Variants in MASP2 observed in about 807,000 individuals in gnomAD.
MASP2 encodes MBL associated serine protease 2.
MASP2 carries 49 observed loss-of-function variants against 57.1 expected under a neutral mutation model. The observed-to-expected ratio is 0.86, with a 90% CI of 0.68 to 1.09. The LOEUF (loss-of-function observed/expected upper bound fraction) is 1.09, where lower values mean the gene tolerates loss of function less well. MASP2 is among the 50% of genes least tolerant of loss of function. The pLI is 0.00. For synonymous variants in MASP2, 379 were observed against 340.8 expected (o/e 1.11, Z -1.24); for missense variants, 900 against 874.8 (o/e 1.03, Z -0.36).
At chr1:11,038,478 A>G (rs1358948628) in intron 6 of MASP2, among the ~76,000 whole-genome samples, 1 of 152,126 alleles carries the variant, frequency 6.6e-6, no homozygotes, top group African/African-American at 2.4e-5. Context: ...CATGAGCTGC[A>G]TTCCACTCTG....
Position 11,027,130 on chromosome 1 carries a change from G to T in MASP2, c.1816C>A (p.Pro606Thr), listed in dbSNP as rs1643749049. ...GCAGTTACACTTCCCCTTGGATAGG[G>T]TGGCTTTTCATATGCAGCAGTACAT... is the stretch of plus-strand genomic sequence containing the variant. Reference protein sequence around the residue: ...QKCTAAYEKPPYPRGSVTANM... With the variant: ...QKCTAAYEKPTYPRGSVTANM... The change falls in exon 11 of 11, where the codon CCC becomes ACC. Residue 606 changes from proline (P) to threonine (T), a missense_variant. Physicochemically the swap from Pro to Thr is conservative, Grantham distance 38. Transcript: ENST00000400897. 3.1e-6 allele frequency: 5 copies of T among 1,612,864 alleles called. No homozygotes were observed. The highest frequency in any genetic ancestry group is 3.4e-6 in the Non-Finnish European group (4 of 1,179,404).
rs907266658 is a variant in MASP2 at position 11,026,761 on chromosome 1, T to G, written c.*124A>C. On this transcript the variant is annotated 3_prime_UTR_variant, in exon 11 of 11. Coordinates refer to ENST00000400897, the MANE Select transcript of MASP2 (RefSeq NM_006610.4). ...GACAGCAGCCTCACCTGGAGTCTGT[T>G]TTTTTGGGTGGAGCAACAACTGCCA... is the stretch of plus-strand genomic sequence containing the variant. The G allele has an allele frequency of 2.3e-5, 18 of 777,312 alleles. No individual in the cohort carries two copies. The highest frequency in any genetic ancestry group is 3.2e-5 in the Non-Finnish European group (17 of 529,698). 48.2% of individuals were successfully genotyped at this position (777,312 alleles called of 1,614,324 possible).
intron 7 of MASP2, among the ~76,000 whole-genome samples, chr1:11,036,532 AAAAAAC>A (rs1638242542): frequency 6.3e-5 from 9 of 141,772 alleles, no homozygotes; most frequent in African/African-American, 2.6e-4. Flanking sequence ...AAAAAAAAAA[AAAAAAC>A]AAAAAAAAAA....
intron 8 of MASP2, among the ~76,000 whole-genome samples, chr1:11,034,486 T>C (rs1383927276): frequency 6.7e-6 from 1 of 149,428 alleles, no homozygotes; most frequent in Non-Finnish European, 1.5e-5. Flanking sequence ...TCACTTGAGG[T>C]CAGGAGTTCG....
chr1:11,041,510 G>A (rs951088760), intron 6 of MASP2, among the ~76,000 whole-genome samples: 1 of 146,560 alleles, frequency 6.8e-6, no homozygotes, highest in African/African-American at 2.5e-5. Context: ...ATAGATAGAA[G>A]GATGTGTAGA....
chr1:11,043,503 A>C lies in MASP2; in HGVS notation c.577T>G (p.Ser193Ala), dbSNP rs200464626. Residue 193 changes from serine to alanine, a missense_variant, in exon 5 of 11, where the codon TCT becomes GCT. Coordinates refer to ENST00000400897, the MANE Select transcript of MASP2 (RefSeq NM_006610.4). The part of the protein sequence containing the change: ...LCSGQVFTQR[S>A]GELSSPEYPR... ...TATTCAGGGCTGCTGAGCTCCCCAG[A>C]CCTCTGGGTGAAGACCTGGCCGGAG... 1 of 1,606,222 alleles carries C rather than the reference A, an allele frequency of 6.2e-7. No individual in the cohort carries two copies. Among genetic ancestry groups the C allele is most frequent in the Non-Finnish European group, 8.5e-7 (1 of 1,177,288 alleles).
At chr1:11,038,407 A>C (rs1415204883) in intron 6 of MASP2, among the ~76,000 whole-genome samples, 1 of 152,070 alleles carries the variant, frequency 6.6e-6, no homozygotes, top group Non-Finnish European at 1.5e-5. Flanking sequence ...GGGGAGAAAA[A>C]CCGGCTGACA....
At chr1:11,034,409 A>C (rs181112690) in intron 8 of MASP2, among the ~76,000 whole-genome samples, 5,539 of 151,212 alleles carry the variant, frequency 0.037, 162 homozygotes, top group Middle Eastern at 0.065. Context: ...AAAAAAAAAA[A>C]CCAAGGATCC....
In MASP2 at chr1:11,037,730, A is replaced by G; in HGVS notation, c.971T>C (p.Phe324Ser). The G allele has an allele frequency of 1.2e-6, 2 of 1,612,300 alleles. No individual in the cohort carries two copies. The highest frequency in any genetic ancestry group is 1.7e-6 in the Non-Finnish European group (2 of 1,179,476). The change falls in exon 7 of 11, where the codon TTC (phenylalanine) becomes TCC (serine). Residue 324 changes from phenylalanine (F) to serine (S), a missense_variant. Transcript: ENST00000400897. ...VQAKYILKDSFSIFCETGYEL... is the reference protein window; with the variant it reads ...VQAKYILKDSSSIFCETGYEL... Reference sequence around the variant, plus strand: ...ATAGCCAGTCTCGCAAAAGATGGAGAAGCTGTCTTTCAGGATGTATTTGGC... The same window carrying G: ...ATAGCCAGTCTCGCAAAAGATGGAGGAGCTGTCTTTCAGGATGTATTTGGC...
chr1:11,034,841 C>T lies in MASP2; in HGVS notation c.1074G>A (p.Met358Ile). 1 of 1,612,364 alleles carries T rather than the reference C, an allele frequency of 6.2e-7. No homozygotes were observed. Among genetic ancestry groups the T allele is most frequent in the Non-Finnish European group, 8.5e-7 (1 of 1,179,242 alleles). ...ACACGACCGTACTGCTGCACGCGGG[C>T]ATTGGCCGGTCCCAAGATCCATCTT... ...CQKDGSWDRP[M>I]PACSIVDCGP... Residue 358 changes from methionine to isoleucine, a missense_variant, in exon 8 of 11, where the codon ATG becomes ATA. Transcript: ENST00000400897.
In MASP2 at chr1:11,043,419, A is replaced by AC; in HGVS notation, c.660dup (p.Phe221ValfsTer18). The AC allele has an allele frequency of 6.2e-7, 1 of 1,610,540 alleles. No homozygotes were observed. On this transcript the variant is annotated frameshift_variant, in exon 5 of 11. Coordinates refer to ENST00000400897, the MANE Select transcript of MASP2 (RefSeq NM_006610.4). LOFTEE classifies it high-confidence loss of function. ...TCCACAAAGTCCAGAATGACACTGA[A>AC]CCCCTCCTCCAGGCTGATGCTGTAA...
chr1:11,028,722 T>TTTTTTTTTTTTTTTTGTTTTG (rs1643787228), intron 10 of MASP2, among the ~76,000 whole-genome samples: 1 of 148,182 alleles, frequency 6.7e-6, no homozygotes, highest in African/African-American at 2.6e-5. Context: ...TTTTTTTTTT[T>TTTTTTTTTTTTTTTTGTTTTG]TTTTTTTTTG....
intron 2 of MASP2, 69 bp from the exon 3 acceptor site, chr1:11,046,802 G>A (rs2100909133): frequency 6.4e-7 from 1 of 1,560,320 alleles, no homozygotes; most frequent in Non-Finnish European, 8.7e-7. Flanking sequence ...GCCAAGCCTG[G>A]CCCCTGCTCC....
chr1:11,028,177 CA>C (rs1643772404), intron 10 of MASP2, among the ~76,000 whole-genome samples: 1 of 151,868 alleles, frequency 6.6e-6, no homozygotes, highest in Non-Finnish European at 1.5e-5. Context: ...AGACAAGTCA[CA>C]CCACTGCACT....
At chr1:11,044,769 C>CAA in intron 4 of MASP2, 22 of 1,343,944 alleles carry the variant, frequency 1.6e-5, no homozygotes, top group Middle Eastern at 2.9e-4. Context: ...CCTCCCGACC[C>CAA]TCCCACCCCA....
chr1:11,026,668 C>G lies in MASP2; in HGVS notation c.*217G>C. 7.8e-6 allele frequency: 3 copies of G among 383,242 alleles called. No homozygotes were observed. The highest frequency in any genetic ancestry group is 9.2e-6 in the Non-Finnish European group (2 of 216,870). The allele number at this position is 383,242 out of a possible 1,614,324, so 23.7% of individuals were successfully genotyped here. On this transcript the variant is annotated 3_prime_UTR_variant, in exon 11 of 11. Coordinates refer to ENST00000400897, the MANE Select transcript of MASP2 (RefSeq NM_006610.4). ...ACACTGGGTGGGCAAAGATGACTGT[C>G]ACTCTCGTGGTTTATGTCCCCTTGA...
intron 8 of MASP2, among the ~76,000 whole-genome samples, chr1:11,033,109 C>T (rs966252300): frequency 6.7e-6 from 1 of 150,158 alleles, no homozygotes; most frequent in African/African-American, 2.5e-5. Flanking sequence ...TGGGTGGATC[C>T]CCTGAGGGCG....
At chr1:11,043,730 G>A (rs550788156) in intron 4 of MASP2, among the ~76,000 whole-genome samples, 195 bp from the exon 5 acceptor site, 1 of 152,220 alleles carries the variant, frequency 6.6e-6, no homozygotes, top group Admixed American at 6.5e-5. Context: ...CCCACCCGAT[G>A]GCTGAGGGGC....
At position 11,044,752 on chromosome 1, in the gene MASP2, C is replaced by T. The variant is rs1638573738; in HGVS notation, c.544+656G>A. The T allele has an allele frequency of 3.4e-6, 5 of 1,468,920 alleles. No individual in the cohort carries two copies. The Admixed American group carries it at 1.0e-4, about 30-fold the overall frequency. 91.0% of individuals were successfully genotyped at this position (1,468,920 alleles called of 1,614,324 possible). On this transcript the variant is annotated intron_variant, in intron 4 of 10. Coordinates refer to ENST00000400897, the MANE Select transcript of MASP2 (RefSeq NM_006610.4). ...GGAGGGTAGGCAGAGAGGAGCGCAC[C>T]CCGCCGCCTCCCGACCCTCCCACCC...
Sources: gnomAD v4.1 joint callset for allele counts (sites outside exome capture counted in the v4.1 genomes callset) on GRCh38, gnomAD v4.1.1 for gene constraint, MANE v1.5 for transcripts, NCBI Gene and HGNC (gene_info 2026-07-23, HGNC 2026-07-21) for gene names.